The following PTPN13 variants were observed in gnomAD, a reference collection of about 807,000 sequenced individuals.
The protein encoded by PTPN13 is tyrosine-protein phosphatase non-receptor type 13.
In PTPN13, 191 loss-of-function variants were observed where a neutral mutation model predicts 284.0. The observed-to-expected ratio is 0.67, with a 90% CI of 0.60 to 0.76. The LOEUF (loss-of-function observed/expected upper bound fraction) is 0.76. Among genes scored for constraint, PTPN13 ranks in the 30% least tolerant of loss-of-function variants. The pLI, the probability that PTPN13 is intolerant of heterozygous loss-of-function variation, is 0.00. For missense variants in PTPN13, 2,797 were observed against 2,939.9 expected (o/e 0.95, Z 1.12); for synonymous variants, 986 against 1,022.3 (o/e 0.96, Z 0.68).
intron 9 of PTPN13, among the ~76,000 whole-genome samples, chr4:86,718,454 A>ATTTTTTTTTTTTTTTTTTTTTT (rs1309592486): frequency 1.5e-5 from 2 of 136,060 alleles, no homozygotes; most frequent in Non-Finnish European, 3.4e-5. Flanking sequence ...TTAATGGTCC[A>ATTTTTTTTTTTTTTTTTTTTTT]CTTTTTTTTT....
At chr4:86,624,288 A>G (rs1478690557) in intron 1 of PTPN13, among the ~76,000 whole-genome samples, 1 of 151,984 alleles carries the variant, frequency 6.6e-6, no homozygotes, top group Non-Finnish European at 1.5e-5. Flanking sequence ...ACTTCTCTCT[A>G]CTTATTTGTT....
At chr4:86,601,891 A>G (rs1427986556) in intron 1 of PTPN13, among the ~76,000 whole-genome samples, 3 of 152,112 alleles carry the variant, frequency 2.0e-5, no homozygotes, top group South Asian at 2.1e-4. Context: ...ATTGATTCCT[A>G]TTCTTTGCCA....
At chr4:86,619,100 TC>T (rs1393782251) in intron 1 of PTPN13, among the ~76,000 whole-genome samples, 19 of 152,252 alleles carry the variant, frequency 1.2e-4, no homozygotes, top group African/African-American at 4.6e-4. Flanking sequence ...ACAATGCCAA[TC>T]AGTGGCAGAG....
chr4:86,597,238 A>G (rs181613733), intron 1 of PTPN13, among the ~76,000 whole-genome samples: 1 of 151,844 alleles, frequency 6.6e-6, no homozygotes, highest in East Asian at 1.9e-4. Flanking sequence ...CTTAGGAACT[A>G]AATGTTTTAA....
chr4:86,747,558 A>G lies in PTPN13; in HGVS notation c.2650+2430A>G, dbSNP rs552093373. Among the ~76,000 whole-genome samples, 13 of 144,940 alleles carry G rather than the reference A, an allele frequency of 9.0e-5. 1 individual carries two copies. In the South Asian group the frequency reaches 2.3e-3, roughly 26 times the overall value. On this transcript the variant is annotated intron_variant, in intron 17 of 47. Coordinates refer to ENST00000411767, the MANE Select transcript of PTPN13 (RefSeq NM_080683.3). The stretch of plus-strand genomic sequence containing the variant: ...TAGCAGCAGCAGCAGCGGCAGCAGC[A>G]GCAGCAGCAGCAGCAGCAGCAGCAG...
intron 15 of PTPN13, 31 bp from the exon 16 acceptor site, chr4:86,741,603 G>A (rs1360881960): frequency 1.9e-6 from 3 of 1,571,680 alleles, no homozygotes; most frequent in Admixed American, 1.7e-5. Context: ...TTACCAAAGT[G>A]TATTGCTATG....
intron 9 of PTPN13, among the ~76,000 whole-genome samples, chr4:86,717,802 GTATT>G (rs1399594246): frequency 9.9e-5 from 15 of 152,118 alleles, no homozygotes; most frequent in Non-Finnish European, 5.9e-5. Context: ...CTTTCAGTGA[GTATT>G]TATTTGTTGA....
chr4:86,654,781 A>C lies in PTPN13; in HGVS notation c.116-17584A>C, dbSNP rs373081132. Among the ~76,000 whole-genome samples, 40 of 152,254 alleles carry C rather than the reference A, an allele frequency of 2.6e-4. No individual in the cohort carries two copies. The East Asian group carries it at 3.9e-3, about 15-fold the overall frequency. On this transcript the variant is annotated intron_variant, in intron 2 of 47. Transcript: ENST00000411767. ...TCTGCTTGGTGCAGAGCTGAATTCA[A>C]TTCCTGGATATCCTTGTTAACTTTC...
At chr4:86,800,341 A>G (rs573539174) in intron 42 of PTPN13, among the ~76,000 whole-genome samples, 2 of 142,054 alleles carry the variant, frequency 1.4e-5, no homozygotes, top group South Asian at 2.3e-4. Context: ...AGCAAAGTCT[A>G]TTTTTTTTTT....
At chr4:86,742,905 A>G (rs1224058730) in intron 16 of PTPN13, among the ~76,000 whole-genome samples, 1 of 152,208 alleles carries the variant, frequency 6.6e-6, no homozygotes, top group South Asian at 2.1e-4. Flanking sequence ...ACTAACCCAC[A>G]TATATAGAAC....
At chr4:86,673,373 T>C (rs1401979677) in intron 3 of PTPN13, among the ~76,000 whole-genome samples, 2 of 152,128 alleles carry the variant, frequency 1.3e-5, no homozygotes, top group African/African-American at 4.8e-5. Flanking sequence ...TAAATAAAAA[T>C]AGGTAGAAAG....
chr4:86,616,509 G>A (rs1720558849), intron 1 of PTPN13, among the ~76,000 whole-genome samples: 1 of 151,862 alleles, frequency 6.6e-6, no homozygotes, highest in Admixed American at 6.6e-5. Flanking sequence ...TGTTAGAGGT[G>A]GGGCCTGGTT....
chr4:86,716,704 T>C, intron 8 of PTPN13, 79 bp downstream of exon 8: 1 of 1,066,688 alleles, frequency 9.4e-7, no homozygotes, highest in Non-Finnish European at 1.3e-6. Flanking sequence ...CAAATATTAA[T>C]ATAAATTGCC....
At chr4:86,603,529 G>A (rs1764492866) in intron 1 of PTPN13, among the ~76,000 whole-genome samples, 1 of 151,966 alleles carries the variant, frequency 6.6e-6, no homozygotes, top group Non-Finnish European at 1.5e-5. Flanking sequence ...AAAATTATTT[G>A]GTATTTCTCA....
intron 5 of PTPN13, chr4:86,689,813 G>A: frequency 1.4e-6 from 1 of 695,828 alleles, no homozygotes. Flanking sequence ...CCTCTGTTCT[G>A]CATTTCTAAG....
rs1324483459 is a variant in PTPN13 at position 86,763,062 on chromosome 4, A to G, written c.3889A>G (p.Thr1297Ala). 3 of 1,613,944 alleles carry G rather than the reference A, an allele frequency of 1.9e-6. No homozygotes were observed. Among genetic ancestry groups the G allele is most frequent in the Non-Finnish European group, 2.5e-6 (3 of 1,179,866 alleles). The change falls in exon 24 of 48, where the codon ACT (threonine) becomes GCT (alanine). Residue 1297 changes from threonine (T) to alanine (A), a missense_variant. Physicochemically the swap from Thr to Ala is moderately conservative, Grantham distance 58. Coordinates refer to ENST00000411767, the MANE Select transcript of PTPN13 (RefSeq NM_080683.3). Reference sequence around the variant, plus strand: ...CAAAGCCACCGAGAAAGAGACTTTCACTGATAGTAACCAAAGCAAAACTAA... The same window carrying G: ...CAAAGCCACCGAGAAAGAGACTTTCGCTGATAGTAACCAAAGCAAAACTAA... Reference protein sequence around the residue: ...ISKATEKETFTDSNQSKTKKP... With the variant: ...ISKATEKETFADSNQSKTKKP...
intron 1 of PTPN13, among the ~76,000 whole-genome samples, chr4:86,627,494 G>A (rs1721970199): frequency 6.8e-6 from 1 of 147,106 alleles, no homozygotes. Flanking sequence ...ACCTTTGATT[G>A]GGTTTAGTTT....
chr4:86,735,527 A>G, intron 14 of PTPN13, 67 bp from the exon 15 acceptor site: 1 of 1,544,078 alleles, frequency 6.5e-7, no homozygotes, highest in East Asian at 2.3e-5. Flanking sequence ...GAACTTTAAG[A>G]TAGAAGGAAA....
At chr4:86,765,047 A>T (rs1465533966) in intron 25 of PTPN13, among the ~76,000 whole-genome samples, 1 of 152,178 alleles carries the variant, frequency 6.6e-6, no homozygotes, top group Non-Finnish European at 1.5e-5. Flanking sequence ...TAGATTATAT[A>T]TCTCTAACCT....
Sources: allele counts gnomAD v4.1 joint callset (sites outside exome capture counted in the v4.1 genomes callset), GRCh38; gene constraint gnomAD v4.1.1; transcripts MANE v1.5; gene names NCBI Gene and HGNC (gene_info 2026-07-23, HGNC 2026-07-21).